Variants in HPSE2 observed in about 807,000 individuals in gnomAD.
HPSE2 encodes the protein inactive heparanase-2.
A neutral mutation model predicts 60.5 loss-of-function variants in HPSE2; 38 were observed. The observed-to-expected ratio is 0.63, with a 90% CI of 0.48 to 0.82. The LOEUF is 0.82. HPSE2 is among the 40% of genes least tolerant of loss of function. HPSE2 has a pLI of 0.00. For synonymous variants in HPSE2, 295 were observed against 293.2 expected (o/e 1.01, Z -0.06); for missense variants, 713 against 740.4 (o/e 0.96, Z 0.43).
intron 3 of HPSE2, among the ~76,000 whole-genome samples, chr10:99,051,920 A>G (rs541068156): frequency 6.6e-6 from 1 of 152,082 alleles, no homozygotes; most frequent in Non-Finnish European, 1.5e-5. Flanking sequence ...TAAGGTGATC[A>G]GCCAATAACT....
At chr10:99,124,965 A>C (rs553722901) in intron 3 of HPSE2, among the ~76,000 whole-genome samples, 1 of 152,264 alleles carries the variant, frequency 6.6e-6, no homozygotes, top group Non-Finnish European at 1.5e-5. Flanking sequence ...CATCAATAGC[A>C]TAAGGGAAGT....
the HPSE2 span, among the ~76,000 whole-genome samples, chr10:99,313,591 A>AGTTTTTTTTT: frequency 1.5e-5 from 1 of 66,020 alleles, no homozygotes; most frequent in African/African-American, 6.3e-5. Context: ...GACTGACTCC[A>AGTTTTTTTTT]ATTTTTTTTT....
chr10:98,870,420 T>C lies in HPSE2; in HGVS notation c.611-126364A>G, dbSNP rs1173695075. On this transcript the variant is annotated intron_variant, in intron 3 of 11. Transcript: ENST00000370552. ...AAGCAGGGTAAAGTAATGGGACAAG[T>C]ACAGGGAAAGCAGGTAAAAATGTTG... Among the ~76,000 whole-genome samples, 3 of 152,096 alleles carry C rather than the reference T, an allele frequency of 2.0e-5. No homozygotes were observed. The East Asian group carries it at 5.8e-4, about 29-fold the overall frequency.
chr10:99,024,682 A>G (rs147852903), intron 3 of HPSE2, among the ~76,000 whole-genome samples: 1 of 152,350 alleles, frequency 6.6e-6, no homozygotes, highest in Non-Finnish European at 1.5e-5. Flanking sequence ...GCAAGAAAAA[A>G]GAAACAAATA....
intron 9 of HPSE2, among the ~76,000 whole-genome samples, chr10:98,611,939 T>C (rs1387090909): frequency 6.6e-6 from 1 of 152,202 alleles, no homozygotes; most frequent in Non-Finnish European, 1.5e-5. Context: ...TGCTCCACCA[T>C]GTATCAACTG....
At chr10:98,867,886 C>A (rs571901697) in intron 3 of HPSE2, among the ~76,000 whole-genome samples, 1 of 151,916 alleles carries the variant, frequency 6.6e-6, no homozygotes, top group Admixed American at 6.6e-5. Context: ...ATGGCGAAAC[C>A]CTGTCTCTAC....
At chr10:99,154,788 A>C (rs994253357) in intron 2 of HPSE2, among the ~76,000 whole-genome samples, 7 of 151,990 alleles carry the variant, frequency 4.6e-5, no homozygotes, top group Non-Finnish European at 1.0e-4. Flanking sequence ...AAATGCTCCA[A>C]TTAAAAGACA....
At chr10:98,761,936 G>A (rs1950013174) in intron 3 of HPSE2, among the ~76,000 whole-genome samples, 2 of 151,750 alleles carry the variant, frequency 1.3e-5, no homozygotes, top group Non-Finnish European at 2.9e-5. Context: ...GAGGCCCCCC[G>A]CAACATGCCA....
At chr10:98,569,465 ATAAATT>A (rs1944437349) in intron 9 of HPSE2, among the ~76,000 whole-genome samples, 1 of 152,212 alleles carries the variant, frequency 6.6e-6, no homozygotes, top group South Asian at 2.1e-4. Context: ...AATTTAAAAT[ATAAATT>A]TAACAAAAAT....
intron 3 of HPSE2, among the ~76,000 whole-genome samples, chr10:99,119,009 AAAAG>A (rs745714700): frequency 1.3e-5 from 2 of 151,340 alleles, no homozygotes; most frequent in African/African-American, 2.4e-5. Context: ...GAACAAAATG[AAAAG>A]AAAGAAAGAA....
intron 3 of HPSE2, among the ~76,000 whole-genome samples, chr10:98,767,817 T>C (rs866260017): frequency 0.014 from 1,978 of 146,378 alleles, 38 homozygotes; most frequent in African/African-American, 0.046. Flanking sequence ...TATACACTTA[T>C]TTAATATATA....
chr10:98,888,173 C>T (rs1330163275), intron 3 of HPSE2, among the ~76,000 whole-genome samples: 2 of 142,882 alleles, frequency 1.4e-5, no homozygotes, highest in Non-Finnish European at 3.1e-5. Context: ...CACACACACA[C>T]ATGCATGATA....
intron 3 of HPSE2, among the ~76,000 whole-genome samples, chr10:98,971,698 A>T (rs537037448): frequency 2.0e-5 from 3 of 152,298 alleles, no homozygotes; most frequent in Admixed American, 2.0e-4. Flanking sequence ...ATTCTCCTTG[A>T]AATGAACATC....
intron 3 of HPSE2, among the ~76,000 whole-genome samples, chr10:98,918,704 A>G (rs888181344): frequency 5.0e-5 from 7 of 140,562 alleles, no homozygotes; most frequent in African/African-American, 1.9e-4. Flanking sequence ...GGGGAGGGAT[A>G]GCATTAGGAG....
At chr10:98,884,041 G>T (rs1191086417) in intron 3 of HPSE2, among the ~76,000 whole-genome samples, 1 of 152,070 alleles carries the variant, frequency 6.6e-6, no homozygotes, top group Non-Finnish European at 1.5e-5. Flanking sequence ...GAACACAGAA[G>T]TTATAAGAAA....
At chr10:98,853,856 C>T (rs1482934566) in intron 3 of HPSE2, among the ~76,000 whole-genome samples, 1 of 152,132 alleles carries the variant, frequency 6.6e-6, no homozygotes, top group Non-Finnish European at 1.5e-5. Flanking sequence ...AGGGTCCCAA[C>T]TATCTCACAT....
intron 3 of HPSE2, among the ~76,000 whole-genome samples, chr10:98,772,046 T>G (rs1333573704): frequency 6.6e-6 from 1 of 152,188 alleles, no homozygotes; most frequent in African/African-American, 2.4e-5. Flanking sequence ...ATGGCTGTTA[T>G]CTGCAGGCCA....
At position 99,126,184 on chromosome 10, in the gene HPSE2, G is replaced by A. The variant is rs1845156693; in HGVS notation, c.610+18054C>T. Among the ~76,000 whole-genome samples the A allele has an allele frequency of 6.6e-6, 1 of 152,094 alleles. No individual in the cohort carries two copies. Among genetic ancestry groups the A allele is most frequent in the African/African-American group, 2.4e-5 (1 of 41,418 alleles). The stretch of plus-strand genomic sequence containing the variant: ...AGCTGAGTGAGGCCTTTTGCTACCA[G>A]CTATGCCCCCACTTCCCTGGTGAAC... On this transcript the variant is annotated intron_variant, in intron 3 of 11. Transcript: ENST00000370552. This position sits in a 1 kb window ranked among gnomAD's most constrained non-coding sequence, Gnocchi z 4.0.
At chr10:98,469,401 T>C (rs1157044422) in intron 11 of HPSE2, among the ~76,000 whole-genome samples, 1 of 152,204 alleles carries the variant, frequency 6.6e-6, no homozygotes, top group Admixed American at 6.5e-5. Context: ...TGGTTAACTA[T>C]GTCCCCCTAC....
Sources: allele counts gnomAD v4.1 joint callset (sites outside exome capture counted in the v4.1 genomes callset), GRCh38; gene constraint gnomAD v4.1.1; non-coding constraint Gnocchi (gnomAD v3.1); transcripts MANE v1.5; gene names NCBI Gene and HGNC (gene_info 2026-07-23, HGNC 2026-07-21).